GLRA1: variants seen among roughly 807,000 people sequenced by gnomAD.
GLRA1 encodes glycine receptor subunit alpha-1.
Under a neutral mutation model 48.3 loss-of-function variants are expected in GLRA1, and 37 were observed. The ratio of observed to expected loss-of-function variants is 0.77; its 90% CI spans 0.59 to 1.01. The LOEUF (loss-of-function observed/expected upper bound fraction) is 1.01, where lower values mean the gene tolerates loss of function less well. GLRA1 is among the 50% of genes least tolerant of loss of function. The pLI is 0.00. For synonymous variants in GLRA1, 196 were observed against 210.7 expected (o/e 0.93, Z 0.60); for missense variants, 427 against 571.0 (o/e 0.75, Z 2.57).
At chr5:151,836,984 A>T (rs1017791159) in intron 7 of GLRA1, among the ~76,000 whole-genome samples, 5 of 152,070 alleles carry the variant, frequency 3.3e-5, no homozygotes, top group African/African-American at 1.2e-4. Context: ...GCAAACAACA[A>T]CAACAACAAC....
At chr5:151,906,223 G>A (rs1245965888) in intron 1 of GLRA1, among the ~76,000 whole-genome samples, 1 of 152,108 alleles carries the variant, frequency 6.6e-6, no homozygotes, top group African/African-American at 2.4e-5. Flanking sequence ...TGCAGTGCCA[G>A]GCACAGAGAA....
At chr5:151,905,417 C>G (rs1408260207) in intron 1 of GLRA1, among the ~76,000 whole-genome samples, 1 of 151,702 alleles carries the variant, frequency 6.6e-6, no homozygotes, top group Non-Finnish European at 1.5e-5. Context: ...TTTTAAATGA[C>G]TGCATATGCC....
At chr5:151,854,096 G>C (rs932096121) in intron 6 of GLRA1, among the ~76,000 whole-genome samples, 4 of 152,224 alleles carry the variant, frequency 2.6e-5, no homozygotes, top group Admixed American at 1.3e-4. Flanking sequence ...TAAAAGACTT[G>C]GTATGTGAGG....
At chr5:151,877,990 C>T (rs1016623514) in intron 3 of GLRA1, among the ~76,000 whole-genome samples, 4 of 152,120 alleles carry the variant, frequency 2.6e-5, no homozygotes, top group African/African-American at 9.7e-5. Flanking sequence ...AAAAGATACC[C>T]AAAAATGTGA....
chr5:151,891,852 G>T (rs935508410), intron 2 of GLRA1, among the ~76,000 whole-genome samples: 3 of 152,084 alleles, frequency 2.0e-5, no homozygotes, highest in Admixed American at 1.3e-4. Context: ...TCCTTTGGGG[G>T]CACCTGCTGG....
chr5:151,896,864 C>T (rs894744903), intron 1 of GLRA1, among the ~76,000 whole-genome samples: 4 of 152,110 alleles, frequency 2.6e-5, no homozygotes, highest in African/African-American at 9.7e-5. Flanking sequence ...GACAACAAGA[C>T]AAAAAGAGAA....
chr5:151,901,142 C>T (rs1561578064), intron 1 of GLRA1, among the ~76,000 whole-genome samples: 2 of 152,320 alleles, frequency 1.3e-5, no homozygotes, highest in South Asian at 2.1e-4. Flanking sequence ...GGTATTCACA[C>T]GAAATGTCTT....
At chr5:151,832,835 G>A (rs1763459798) in intron 7 of GLRA1, among the ~76,000 whole-genome samples, 1 of 152,130 alleles carries the variant, frequency 6.6e-6, no homozygotes. Context: ...CCAACCGCAA[G>A]ACACATAATT....
chr5:151,829,537 C>T (rs1763370597), intron 7 of GLRA1, among the ~76,000 whole-genome samples: 1 of 152,188 alleles, frequency 6.6e-6, no homozygotes, highest in Non-Finnish European at 1.5e-5. Context: ...GTCCTGTGAA[C>T]ATTTATTCAA....
chr5:151,837,788 C>T lies in GLRA1; in HGVS notation c.913-8721G>A, dbSNP rs1581604186. 5.3e-5 allele frequency among the ~76,000 whole-genome samples: 8 copies of T among 152,234 alleles called. 1 individual carries two copies. Among genetic ancestry groups the T allele is most frequent in the Admixed American group, 5.2e-4 (8 of 15,298 alleles). On this transcript the variant is annotated intron_variant, in intron 7 of 8. Transcript: ENST00000274576. The stretch of plus-strand genomic sequence containing the variant: ...GAATACATGGACACAGGGCAGGGAA[C>T]ATCACACACCAGGGCCTATTGGGTG...
chr5:151,843,568 C>T (rs1006369284), intron 7 of GLRA1, among the ~76,000 whole-genome samples: 2 of 151,996 alleles, frequency 1.3e-5, no homozygotes, highest in Non-Finnish European at 2.9e-5. Context: ...GCCGCTGCTT[C>T]TAAAATTTAT....
At chr5:151,900,653 C>T (rs570533873) in intron 1 of GLRA1, among the ~76,000 whole-genome samples, 1 of 152,134 alleles carries the variant, frequency 6.6e-6, no homozygotes, top group African/African-American at 2.4e-5. Flanking sequence ...TATTTGCTTA[C>T]ATTATATTGA....
chr5:151,862,701 C>G (rs1561561558), intron 3 of GLRA1, among the ~76,000 whole-genome samples: 1 of 152,184 alleles, frequency 6.6e-6, no homozygotes, highest in East Asian at 1.9e-4. Context: ...CCTTAATATG[C>G]TGATGAGTTG....
In GLRA1 at chr5:151,840,561, AAGTT is replaced by A. The variant is rs1218603824; in HGVS notation, c.912+10825_912+10828del. Among the ~76,000 whole-genome samples the A allele has an allele frequency of 6.6e-5, 10 of 152,304 alleles. No individual in the cohort carries two copies. In the South Asian group the frequency reaches 1.5e-3, roughly 22 times the overall value. The stretch of plus-strand genomic sequence containing the variant: ...GAAATAGACTAAACAAACTAATTGA[AAGTT>A]AGAGATTGTCAGACTGGATTAAAAA... On this transcript the variant is annotated intron_variant, in intron 7 of 8. Coordinates refer to ENST00000274576, the MANE Select transcript of GLRA1 (RefSeq NM_000171.4).
At chr5:151,861,208 G>A (rs557155904) in intron 3 of GLRA1, among the ~76,000 whole-genome samples, 1 of 152,262 alleles carries the variant, frequency 6.6e-6, no homozygotes, top group Admixed American at 6.5e-5. Flanking sequence ...TGTCTTTATA[G>A]CAGCATGATT....
intron 7 of GLRA1, among the ~76,000 whole-genome samples, chr5:151,829,402 G>A (rs1407548336): frequency 1.3e-5 from 2 of 152,180 alleles, no homozygotes; most frequent in Non-Finnish European, 2.9e-5. Flanking sequence ...AAAGTGAATG[G>A]AGGATGTCAG....
At chr5:151,875,284 CT>C (rs925993023) in intron 3 of GLRA1, among the ~76,000 whole-genome samples, 1 of 152,164 alleles carries the variant, frequency 6.6e-6, no homozygotes, top group African/African-American at 2.4e-5. Flanking sequence ...GATCTCCTCT[CT>C]CCTCAGCCTC....
At position 151,886,772 on chromosome 5, in the gene GLRA1, C is replaced by T. The variant is rs1212027924; in HGVS notation, c.201G>A (p.Val67=). The part of the protein sequence containing the change: ...RPNFKGPPVN[V]SCNIFINSFG... ...AGCTGTTGATGAAAATGTTGCAGCT[C>T]ACGTTCACTGGGGGACCTGCCAATC... Residue 67 remains valine (V), a synonymous_variant, in exon 3 of 9, where the codon GTG becomes GTA. Transcript: ENST00000274576. 1.9e-6 allele frequency: 3 copies of T among 1,613,280 alleles called. No homozygotes were observed. In the South Asian group the frequency reaches 3.3e-5, roughly 18 times the overall value.
intron 3 of GLRA1, among the ~76,000 whole-genome samples, chr5:151,883,600 G>C (rs1753821667): frequency 6.6e-6 from 1 of 152,238 alleles, no homozygotes; most frequent in Non-Finnish European, 1.5e-5. Flanking sequence ...AATCACGTGA[G>C]AGCATGAATG....
Sources: gnomAD v4.1 joint callset for allele counts (sites outside exome capture counted in the v4.1 genomes callset) on GRCh38, gnomAD v4.1.1 for gene constraint, MANE v1.5 for transcripts, NCBI Gene and HGNC (gene_info 2026-07-23, HGNC 2026-07-21) for gene names.